Variants in CPVL observed in about 807,000 individuals in gnomAD.
The protein encoded by CPVL is carboxypeptidase vitellogenic like, also known as probable serine carboxypeptidase CPVL.
A neutral mutation model predicts 63.7 loss-of-function variants in CPVL; 51 were observed. The observed-to-expected ratio is 0.80, with a 90% confidence interval of 0.64 to 1.01. The LOEUF (loss-of-function observed/expected upper bound fraction) is 1.01, where lower values mean the gene tolerates loss of function less well. CPVL is among the 50% of genes least tolerant of loss of function. CPVL has a pLI of 0.00. For missense variants in CPVL, 530 were observed against 573.1 expected (o/e 0.92, Z 0.77); for synonymous variants, 195 against 206.0 (o/e 0.95, Z 0.46).
intron 8 of CPVL, 136 bp from the exon 9 acceptor site, chr7:29,072,040 C>A: frequency 9.6e-7 from 1 of 1,041,538 alleles, no homozygotes; most frequent in East Asian, 2.5e-5. Context: ...ATTACATGCA[C>A]ACACACATAT....
chr7:29,070,408 A>C (rs1374013009), intron 9 of CPVL, among the ~76,000 whole-genome samples: 1 of 152,210 alleles, frequency 6.6e-6, no homozygotes, highest in East Asian at 1.9e-4. Context: ...CTTTAAAAAC[A>C]TATCAAATGT....
chr7:29,034,255 C>A (rs1788304725), intron 11 of CPVL, among the ~76,000 whole-genome samples: 1 of 152,090 alleles, frequency 6.6e-6, no homozygotes, highest in South Asian at 2.1e-4. Context: ...CAGGTGCATG[C>A]CACTACACCC....
At chr7:29,123,720 C>T (rs34842464) in intron 1 of CPVL, among the ~76,000 whole-genome samples, 176 of 3,918 alleles carry the variant, frequency 0.045, 3 homozygotes, top group East Asian at 0.31. Context: ...TTTTTTTTTT[C>T]CCCTGGGGAC....
intron 12 of CPVL, chr7:29,010,577 AAAGTC>A (rs1785718464): frequency 6.6e-6 from 1 of 152,210 alleles, no homozygotes; most frequent in South Asian, 2.1e-4. Flanking sequence ...TCTCTTTGTT[AAAGTC>A]AAGTTAAAAC....
At chr7:29,143,205 C>T (rs1179849252) in intron 1 of CPVL, among the ~76,000 whole-genome samples, 1 of 152,208 alleles carries the variant, frequency 6.6e-6, no homozygotes, top group East Asian at 1.9e-4. Context: ...TACATGATTC[C>T]TTCACAAACT....
chr7:29,151,086 C>T (rs563454536), upstream of CPVL, among the ~76,000 whole-genome samples: 14 of 152,320 alleles, frequency 9.2e-5, no homozygotes, highest in Admixed American at 8.5e-4. Flanking sequence ...GACACAGACA[C>T]ATGCCCTGAT....
intron 11 of CPVL, 148 bp downstream of exon 11, chr7:29,063,913 G>C (rs1782889344): frequency 5.0e-6 from 3 of 598,870 alleles, no homozygotes; most frequent in Non-Finnish European, 8.6e-6. Context: ...CTTTGAATTG[G>C]AATCAAACAA....
At chr7:29,130,577 A>C (rs1392757353) in intron 1 of CPVL, among the ~76,000 whole-genome samples, 1 of 152,194 alleles carries the variant, frequency 6.6e-6, no homozygotes, top group Admixed American at 6.5e-5. Flanking sequence ...CCCTAAGGCC[A>C]GAGCTTTATA....
chr7:29,051,761 G>T (rs1482253187), intron 11 of CPVL, among the ~76,000 whole-genome samples: 3 of 151,972 alleles, frequency 2.0e-5, no homozygotes, highest in Non-Finnish European at 4.4e-5. Context: ...CAGAGGAAAA[G>T]AAGTCATTAT....
In CPVL at chr7:28,995,408, G is replaced by T; in HGVS notation, c.*364C>A. 1 of 179,738 alleles carries T rather than the reference G, an allele frequency of 5.6e-6. No homozygotes were observed. 11.1% of individuals were successfully genotyped at this position (179,738 alleles called of 1,614,324 possible). ...ACGGCATGCCAAACTTCTGTTATTGGCAGAAAAAGATGTTACAGCTTTGTT... is the reference window on the plus strand; with the variant it reads ...ACGGCATGCCAAACTTCTGTTATTGTCAGAAAAAGATGTTACAGCTTTGTT... On this transcript the variant is annotated 3_prime_UTR_variant, in exon 13 of 13. Transcript: ENST00000265394.
chr7:29,145,312 G>T (rs1170563523), intron 1 of CPVL, among the ~76,000 whole-genome samples: 1 of 151,996 alleles, frequency 6.6e-6, no homozygotes, highest in Non-Finnish European at 1.5e-5. Flanking sequence ...GGAAGGGAAA[G>T]GCAAGTACTG....
intron 11 of CPVL, among the ~76,000 whole-genome samples, chr7:29,061,601 T>C (rs1791283530): frequency 6.6e-6 from 1 of 152,136 alleles, no homozygotes; most frequent in Non-Finnish European, 1.5e-5. Context: ...GGTAAGCTGT[T>C]TGTCCCACCT....
intron 1 of CPVL, among the ~76,000 whole-genome samples, chr7:29,139,067 TAGA>T (rs1791566096): frequency 6.6e-6 from 1 of 152,046 alleles, no homozygotes; most frequent in African/African-American, 2.4e-5. Context: ...TGAGAAAAGG[TAGA>T]AGGAGACTAA....
intron 11 of CPVL, among the ~76,000 whole-genome samples, chr7:29,042,733 G>A (rs531694781): frequency 9.8e-4 from 149 of 152,354 alleles, no homozygotes; most frequent in Non-Finnish European, 3.7e-4. Flanking sequence ...TCACTAATGG[G>A]AAGGAAATGA....
At chr7:29,113,456 TG>T (rs1788455867) in intron 2 of CPVL, among the ~76,000 whole-genome samples, 1 of 151,860 alleles carries the variant, frequency 6.6e-6, no homozygotes, top group Non-Finnish European at 1.5e-5. Flanking sequence ...GGGGCAGTTG[TG>T]GGGGCCAGGG....
chr7:29,192,420 C>G (rs968016829), intron 1 of CPVL: 2 of 152,172 alleles, frequency 1.3e-5, no homozygotes, highest in Non-Finnish European at 2.9e-5. Flanking sequence ...ATCTGTTGTC[C>G]TTTTGTGAAA....
intron 1 of CPVL, among the ~76,000 whole-genome samples, chr7:29,121,859 GAAGA>G (rs1339579608): frequency 1.3e-5 from 2 of 152,088 alleles, no homozygotes; most frequent in Non-Finnish European, 2.9e-5. Context: ...AAACAGGAAG[GAAGA>G]AAGAAAGGGG....
chr7:29,171,918 T>C (rs919541764), intron 5 of CPVL, among the ~76,000 whole-genome samples: 1 of 152,166 alleles, frequency 6.6e-6, no homozygotes, highest in African/African-American at 2.4e-5. Flanking sequence ...CCAATTCCCA[T>C]ATGTTTGACT....
At chr7:29,028,435 A>T (rs1787700039) in intron 12 of CPVL, among the ~76,000 whole-genome samples, 1 of 152,192 alleles carries the variant, frequency 6.6e-6, no homozygotes, top group Non-Finnish European at 1.5e-5. Context: ...GTGTAGGTAA[A>T]GCTTTTATGG....
Sources: allele counts gnomAD v4.1 joint callset (sites outside exome capture counted in the v4.1 genomes callset), GRCh38; gene constraint gnomAD v4.1.1; transcripts MANE v1.5; gene names NCBI Gene and HGNC (gene_info 2026-07-23, HGNC 2026-07-21).